GRM8: variants seen among roughly 807,000 people sequenced by gnomAD.
GRM8 encodes the protein glutamate metabotropic receptor 8.
A neutral mutation model predicts 87.2 loss-of-function variants in GRM8; 47 were observed. The observed-to-expected ratio is 0.54, with a 90% CI of 0.43 to 0.69. The LOEUF (loss-of-function observed/expected upper bound fraction) is 0.69. Ranked by LOEUF, GRM8 falls within the 30% of genes least tolerant of loss-of-function variation. The pLI is 0.00. For synonymous variants in GRM8, 396 were observed against 404.5 expected (o/e 0.98, Z 0.25); for missense variants, 1,019 against 1,139.2 (o/e 0.89, Z 1.52).
At chr7:126,525,918 T>A (rs1279791490) in intron 9 of GRM8, among the ~76,000 whole-genome samples, 2 of 152,228 alleles carry the variant, frequency 1.3e-5, no homozygotes, top group Non-Finnish European at 2.9e-5. Flanking sequence ...ATTATTCAAA[T>A]AAATCTGTTT....
Position 127,252,850 on chromosome 7 carries a change from A to C in GRM8, c.-365T>G, listed in dbSNP as rs766805280. ...AAGCCCGCCGGGGGCCCGCAGCTCC[A>C]TGTCAGCGCCGCCGCCGCCGCCGCC... On this transcript the variant is annotated 5_prime_UTR_variant, in exon 1 of 11. The change abolishes an upstream ATG in the 5' untranslated region. Coordinates refer to ENST00000339582, the MANE Select transcript of GRM8 (RefSeq NM_000845.3). The surrounding 1 kb of genome is among the most constrained non-coding windows in gnomAD (Gnocchi z 4.9). 4.6e-6 allele frequency: 1 copy of C among 218,362 alleles called. No homozygotes were observed. The highest frequency in any genetic ancestry group is 8.7e-6 in the Non-Finnish European group (1 of 114,626). The allele number at this position is 218,362 out of a possible 1,614,324, so 13.5% of individuals were successfully genotyped here. A position where few individuals can be genotyped will look rare whatever the true frequency, so the allele number is the denominator to read the frequency against.
rs556898826 is a variant in GRM8 at position 126,438,632 on chromosome 7, A to G, written c.*487T>C. Reference sequence around the variant, plus strand: ...AAAACATTCCTTTATTATTAGAAATAAATTATTTGTATAAAAAATTGCATG... The same window carrying G: ...AAAACATTCCTTTATTATTAGAAATGAATTATTTGTATAAAAAATTGCATG... On this transcript the variant is annotated 3_prime_UTR_variant, in exon 11 of 11. Transcript: ENST00000339582. 6.5e-6 allele frequency: 1 copy of G among 152,764 alleles called. No individual in the cohort carries two copies. Among genetic ancestry groups the G allele is most frequent in the South Asian group, 2.1e-4 (1 of 4,834 alleles). 9.5% of individuals were successfully genotyped at this position (152,764 alleles called of 1,614,324 possible).
At chr7:126,655,413 A>T (rs1278932531) in intron 7 of GRM8, among the ~76,000 whole-genome samples, 1 of 152,058 alleles carries the variant, frequency 6.6e-6, no homozygotes, top group South Asian at 2.1e-4. Context: ...CTCATCTCGA[A>T]TTATCATCCC....
intron 9 of GRM8, among the ~76,000 whole-genome samples, chr7:126,460,860 A>C (rs545598626): frequency 6.6e-6 from 1 of 151,576 alleles, no homozygotes; most frequent in African/African-American, 2.4e-5. Context: ...TGCAACTGAC[A>C]TAAGTTCTCA....
chr7:126,867,977 G>C (rs1332947639), intron 6 of GRM8, among the ~76,000 whole-genome samples: 1 of 152,178 alleles, frequency 6.6e-6, no homozygotes. Context: ...GTTAATCAGA[G>C]AAAAAATGAA....
chr7:126,948,169 T>A (rs1459846380), intron 3 of GRM8, among the ~76,000 whole-genome samples: 1 of 152,070 alleles, frequency 6.6e-6, no homozygotes, highest in Non-Finnish European at 1.5e-5. Context: ...GAAACACTAT[T>A]GAATCTTGTC....
rs369978295 is a variant in GRM8, at chr7:126,789,193, T to C, written c.1157-19128A>G. ...TGCATTTCCTGCTTGCCAGAAGCCA[T>C]ACTGAAATCCAAGATACACTAATAA... On this transcript the variant is annotated intron_variant, in intron 6 of 10. Coordinates refer to ENST00000339582, the MANE Select transcript of GRM8 (RefSeq NM_000845.3). 3.9e-5 allele frequency among the ~76,000 whole-genome samples: 6 copies of C among 152,036 alleles called. No homozygotes were observed. In the South Asian group the frequency reaches 8.3e-4, roughly 21 times the overall value.
At chr7:126,933,500 A>T (rs1482182616) in intron 3 of GRM8, among the ~76,000 whole-genome samples, 1 of 152,126 alleles carries the variant, frequency 6.6e-6, no homozygotes, top group Non-Finnish European at 1.5e-5. Flanking sequence ...CTGAACCCAC[A>T]TTTACCAATC....
At position 126,740,111 on chromosome 7, in the gene GRM8, C is replaced by G. The variant is rs147514210; in HGVS notation, c.1357+29754G>C. On this transcript the variant is annotated intron_variant, in intron 7 of 10. Transcript: ENST00000339582. ...TTATATAGTATTGGTCTGAGAGATC[C>G]CAAAGGACCTTTCCAAACAATACAT... 3.0e-3 allele frequency among the ~76,000 whole-genome samples: 457 copies of G among 152,090 alleles called. 6 individuals carry two copies. Among genetic ancestry groups the G allele is most frequent in the African/African-American group, 0.01 (433 of 41,530 alleles).
chr7:126,576,765 G>C (rs1795151835), intron 8 of GRM8, among the ~76,000 whole-genome samples: 1 of 152,058 alleles, frequency 6.6e-6, no homozygotes, highest in African/African-American at 2.4e-5. Flanking sequence ...GAGCTCCTGA[G>C]TTTTATTCCT....
intron 7 of GRM8, among the ~76,000 whole-genome samples, chr7:126,647,525 A>T (rs1803292047): frequency 6.6e-6 from 1 of 152,096 alleles, no homozygotes; most frequent in South Asian, 2.1e-4. Context: ...TACGCCCCTG[A>T]CATTCCAACT....
chr7:127,038,112 G>A (rs1325857207), intron 3 of GRM8, among the ~76,000 whole-genome samples: 2 of 151,988 alleles, frequency 1.3e-5, no homozygotes, highest in Admixed American at 6.6e-5. Flanking sequence ...TCTGTCAGTT[G>A]AGCCTCAAAA....
At chr7:126,705,116 C>T (rs1279526103) in intron 7 of GRM8, among the ~76,000 whole-genome samples, 1 of 152,096 alleles carries the variant, frequency 6.6e-6, no homozygotes, top group Non-Finnish European at 1.5e-5. Flanking sequence ...TTTCTCAATC[C>T]GGCCGATGCT....
intron 3 of GRM8, among the ~76,000 whole-genome samples, chr7:127,062,770 T>G (rs1008397488): frequency 2.6e-5 from 4 of 152,192 alleles, no homozygotes; most frequent in Non-Finnish European, 5.9e-5. Context: ...ATTTATCCAC[T>G]GCTTCTAGGT....
intron 7 of GRM8, among the ~76,000 whole-genome samples, chr7:126,650,974 C>G (rs569612882): frequency 2.0e-5 from 3 of 152,078 alleles, no homozygotes; most frequent in Admixed American, 1.3e-4. Context: ...TGATGCTGAG[C>G]CCTCAATATG....
chr7:126,599,610 A>G (rs1411277757), intron 8 of GRM8, among the ~76,000 whole-genome samples: 2 of 152,078 alleles, frequency 1.3e-5, no homozygotes, highest in Admixed American at 1.3e-4. Context: ...TCTAACTACT[A>G]TGGTCTTTTT....
chr7:126,679,570 A>G (rs1159319045), intron 7 of GRM8, among the ~76,000 whole-genome samples: 2 of 152,222 alleles, frequency 1.3e-5, no homozygotes, highest in Non-Finnish European at 2.9e-5. Context: ...AGCTGGAAAT[A>G]TAGTGTTGAT....
intron 2 of GRM8, among the ~76,000 whole-genome samples, chr7:127,151,675 G>T (rs945250386): frequency 2.0e-5 from 3 of 152,084 alleles, no homozygotes; most frequent in Non-Finnish European, 2.9e-5. Context: ...GAAATACACA[G>T]AGATGTATCA....
intron 2 of GRM8, among the ~76,000 whole-genome samples, chr7:127,125,635 T>G (rs893454006): frequency 6.6e-6 from 1 of 151,704 alleles, no homozygotes; most frequent in African/African-American, 2.4e-5. Flanking sequence ...TTAATTAAAC[T>G]AAAAAACCTT....
Sources: allele counts gnomAD v4.1 joint callset (sites outside exome capture counted in the v4.1 genomes callset), GRCh38; gene constraint gnomAD v4.1.1; non-coding constraint Gnocchi (gnomAD v3.1); transcripts MANE v1.5; gene names NCBI Gene and HGNC (gene_info 2026-07-23, HGNC 2026-07-21).